The following KIRREL3 variants were observed in gnomAD, a reference collection of about 807,000 sequenced individuals.
KIRREL3 encodes kin of IRRE-like protein 3.
KIRREL3 carries 36 observed loss-of-function variants against 89.7 expected under a neutral mutation model. The ratio of observed to expected loss-of-function variants is 0.40; its 90% CI spans 0.31 to 0.53. The LOEUF is 0.53. KIRREL3 is among the 20% of genes least tolerant of loss of function. KIRREL3 has a pLI of 0.49. For missense variants in KIRREL3, 864 were observed against 1,056.6 expected, an observed-to-expected ratio of 0.82 and a Z score of 2.53; for synonymous variants, 445 against 441.4, an observed-to-expected ratio of 1.01 and a Z score of -0.10.
At chr11:126,866,089 C>A (rs980500206) in intron 1 of KIRREL3, among the ~76,000 whole-genome samples, 2 of 152,126 alleles carry the variant, frequency 1.3e-5, no homozygotes, top group Non-Finnish European at 2.9e-5. Flanking sequence ...GTCTTTGGAG[C>A]ACAGAAGGAG....
At chr11:126,803,373 T>C (rs1037876925) in intron 1 of KIRREL3, among the ~76,000 whole-genome samples, 1 of 152,066 alleles carries the variant, frequency 6.6e-6, no homozygotes, top group African/African-American at 2.4e-5. Flanking sequence ...CAGCAAGGTA[T>C]GAGAGGTGCA....
At chr11:126,781,967 A>C (rs75104234) in intron 1 of KIRREL3, among the ~76,000 whole-genome samples, 4,381 of 152,282 alleles carry the variant, frequency 0.029, 209 homozygotes, top group African/African-American at 0.1. Flanking sequence ...TTTTAAAACA[A>C]GACCTTTTGT....
rs1350856290 is a variant in KIRREL3 at position 126,537,641 on chromosome 11, A to T, written c.134-10954T>A. ...CAGGGTCAGTCAGCCCTAGGAAGGA[A>T]CTCTGGCCCTGTACCTAGCAGTGTG... is the stretch of plus-strand genomic sequence containing the variant. On this transcript the variant is annotated intron_variant, in intron 2 of 16. Transcript: ENST00000525144. The surrounding 1 kb of genome is among the most constrained non-coding windows in gnomAD (Gnocchi z 4.3). Among the ~76,000 whole-genome samples the T allele has an allele frequency of 1.3e-5, 2 of 152,120 alleles. No individual in the cohort carries two copies. The highest frequency in any genetic ancestry group is 2.9e-5 in the Non-Finnish European group (2 of 68,020).
Position 126,521,144 on chromosome 11 carries a change from C to T in KIRREL3, c.433+171G>A, listed in dbSNP as rs1010926216. On this transcript the variant is annotated intron_variant, in intron 4 of 16. Coordinates refer to ENST00000525144, the MANE Select transcript of KIRREL3 (RefSeq NM_032531.4). This position sits in a 1 kb window ranked among gnomAD's most constrained non-coding sequence, Gnocchi z 4.1. ...CTAGGGAAAGAGCCTTCGCTTGTCC[C>T]GTTTGGGTGGGAAGGTGGGCATGGA... Among the ~76,000 whole-genome samples the T allele has an allele frequency of 1.3e-5, 2 of 151,978 alleles. No individual in the cohort carries two copies. Among genetic ancestry groups the T allele is most frequent in the South Asian group, 2.1e-4 (1 of 4,818 alleles).
Position 126,553,097 on chromosome 11 carries a change from C to A in KIRREL3, c.133+9738G>T, listed in dbSNP as rs1346497277. 2.6e-5 allele frequency among the ~76,000 whole-genome samples: 4 copies of A among 152,130 alleles called. No individual in the cohort carries two copies. Among genetic ancestry groups the A allele is most frequent in the African/African-American group, 7.2e-5 (3 of 41,432 alleles). On this transcript the variant is annotated intron_variant, in intron 2 of 16. Coordinates refer to ENST00000525144, the MANE Select transcript of KIRREL3 (RefSeq NM_032531.4). This position sits in a 1 kb window ranked among gnomAD's most constrained non-coding sequence, Gnocchi z 4.7. Reference sequence around the variant, plus strand: ...AAGCCAGCCCTTCATGCTTTTATGTCCCCATTTTAGACAACCAATATTTCA... The same window carrying A: ...AAGCCAGCCCTTCATGCTTTTATGTACCCATTTTAGACAACCAATATTTCA...
intron 1 of KIRREL3, among the ~76,000 whole-genome samples, chr11:126,577,607 A>AAG (rs1941323782): frequency 6.6e-6 from 1 of 151,176 alleles, no homozygotes; most frequent in African/African-American, 2.4e-5. Context: ...AAAAAAAAAA[A>AAG]AAAGATTAGC....
Position 126,741,123 on chromosome 11 carries a change from C to T in KIRREL3, c.56-178211G>A, listed in dbSNP as rs146326326. Among the ~76,000 whole-genome samples, 15 of 152,292 alleles carry T rather than the reference C, an allele frequency of 9.8e-5. No individual in the cohort carries two copies. The East Asian group carries it at 2.9e-3, about 29-fold the overall frequency. On this transcript the variant is annotated intron_variant, in intron 1 of 16. Transcript: ENST00000525144. ...AGGCAATTCAGGTCAAAGACAGACT[C>T]TCCTTTCCTATGCAGAGGGCTCTTG...
chr11:126,518,581 G>A (rs1471865423), intron 4 of KIRREL3, among the ~76,000 whole-genome samples: 2 of 152,246 alleles, frequency 1.3e-5, no homozygotes, highest in Non-Finnish European at 2.9e-5. Flanking sequence ...GGAACACAGG[G>A]AAGGCAGCCC....
Position 126,559,822 on chromosome 11 carries a change from A to T in KIRREL3, c.133+3013T>A, listed in dbSNP as rs191328576. On this transcript the variant is annotated intron_variant, in intron 2 of 16. Transcript: ENST00000525144. ...GTAGCTGGGGCTACAGGTGCGCACC[A>T]CCAACCCTGGCTGATTATTATTATT... 8.6e-5 allele frequency among the ~76,000 whole-genome samples: 13 copies of T among 151,968 alleles called. No homozygotes were observed. The East Asian group carries it at 1.2e-3, about 14-fold the overall frequency.
rs1291341651 is a variant in KIRREL3, at chr11:126,528,920, C to A, written c.134-2233G>T. Reference sequence around the variant, plus strand: ...TTTTACTCTAATGATGATTTCACAGCTCATCCTTTTATCTCAAAATCTTTC... The same window carrying A: ...TTTTACTCTAATGATGATTTCACAGATCATCCTTTTATCTCAAAATCTTTC... On this transcript the variant is annotated intron_variant, in intron 2 of 16. Transcript: ENST00000525144. The surrounding 1 kb of genome is among the most constrained non-coding windows in gnomAD (Gnocchi z 4.6). Among the ~76,000 whole-genome samples, 1 of 152,092 alleles carries A rather than the reference C, an allele frequency of 6.6e-6. No individual in the cohort carries two copies.
chr11:126,839,665 A>G (rs978513370), intron 1 of KIRREL3, among the ~76,000 whole-genome samples: 7 of 152,170 alleles, frequency 4.6e-5, no homozygotes, highest in African/African-American at 1.7e-4. Flanking sequence ...AATCGAGGCC[A>G]TTGTGTGAAG....
In KIRREL3 at chr11:126,807,459, T is replaced by A. The variant is rs1565314501; in HGVS notation, c.55+192996A>T. Among the ~76,000 whole-genome samples the A allele has an allele frequency of 1.3e-5, 2 of 152,240 alleles. No individual in the cohort carries two copies. The highest frequency in any genetic ancestry group is 2.1e-4 in the South Asian group (1 of 4,836). On this transcript the variant is annotated intron_variant, in intron 1 of 16. Transcript: ENST00000525144. The surrounding 1 kb of genome is among the most constrained non-coding windows in gnomAD (Gnocchi z 4.3). ...CATTAGCTATGTGTTTAACCATTCA[T>A]GTCTAACTATTCAAATTTAAAAATC... is the stretch of plus-strand genomic sequence containing the variant.
intron 1 of KIRREL3, among the ~76,000 whole-genome samples, chr11:126,998,150 T>C (rs1195376101): frequency 6.6e-6 from 1 of 152,206 alleles, no homozygotes; most frequent in Non-Finnish European, 1.5e-5. Flanking sequence ...TGGGGCACAG[T>C]ACATGAGCTA....
rs1374544064 is a variant in KIRREL3 at position 126,724,254 on chromosome 11, T to C, written c.56-161342A>G. Among the ~76,000 whole-genome samples the C allele has an allele frequency of 6.6e-6, 1 of 152,234 alleles. No individual in the cohort carries two copies. The highest frequency in any genetic ancestry group is 1.5e-5 in the Non-Finnish European group (1 of 68,032). On this transcript the variant is annotated intron_variant, in intron 1 of 16. Transcript: ENST00000525144. This position sits in a 1 kb window ranked among gnomAD's most constrained non-coding sequence, Gnocchi z 4.3. ...ATCACTTTCTGTGTAAGATTTCTGA[T>C]TCCTGTCTCCTGCAGGTTGGTTCAT... is the stretch of plus-strand genomic sequence containing the variant.
In KIRREL3 at chr11:126,837,067, A is replaced by G. The variant is rs763825572; in HGVS notation, c.55+163388T>C. Among the ~76,000 whole-genome samples the G allele has an allele frequency of 5.3e-5, 8 of 152,180 alleles. No individual in the cohort carries two copies. Among genetic ancestry groups the G allele is most frequent in the Non-Finnish European group, 1.0e-4 (7 of 68,030 alleles). ...CGGGGGGTTGAATGAATGAACTAAC[A>G]AACAGCTTCAGAGTAGCGTGGTTTA... On this transcript the variant is annotated intron_variant, in intron 1 of 16. Coordinates refer to ENST00000525144, the MANE Select transcript of KIRREL3 (RefSeq NM_032531.4). This position sits in a 1 kb window ranked among gnomAD's most constrained non-coding sequence, Gnocchi z 4.7.
intron 1 of KIRREL3, among the ~76,000 whole-genome samples, chr11:126,873,679 G>A (rs369159407): frequency 2.0e-5 from 3 of 152,124 alleles, no homozygotes; most frequent in Admixed American, 6.5e-5. Context: ...ACACATGTCC[G>A]GAACACCTCA....
At chr11:126,616,654 G>A (rs1943365395) in intron 1 of KIRREL3, among the ~76,000 whole-genome samples, 1 of 152,182 alleles carries the variant, frequency 6.6e-6, no homozygotes, top group Non-Finnish European at 1.5e-5. Flanking sequence ...TGTTGTTGTT[G>A]GTTTAGAGAT....
In KIRREL3 at chr11:126,492,155, T is replaced by C. The variant is rs1309648164; in HGVS notation, c.434-18689A>G. Among the ~76,000 whole-genome samples, 1 of 152,168 alleles carries C rather than the reference T, an allele frequency of 6.6e-6. No homozygotes were observed. The highest frequency in any genetic ancestry group is 1.5e-5 in the Non-Finnish European group (1 of 68,034). ...AAGTTGCAGAGGGCCACCGAGGAAC[T>C]GGGAGGATGATCTATAGACAGTCTC... On this transcript the variant is annotated intron_variant, in intron 4 of 16. Transcript: ENST00000525144. This position sits in a 1 kb window ranked among gnomAD's most constrained non-coding sequence, Gnocchi z 4.8.
At chr11:126,809,142 TG>T (rs1951299908) in intron 1 of KIRREL3, among the ~76,000 whole-genome samples, 2 of 152,168 alleles carry the variant, frequency 1.3e-5, no homozygotes, top group African/African-American at 4.8e-5. Context: ...ATGGAGGCTT[TG>T]GCTTCAGCAA....
Sources: gnomAD v4.1 joint callset for allele counts (sites outside exome capture counted in the v4.1 genomes callset) on GRCh38, gnomAD v4.1.1 for gene constraint, Gnocchi (gnomAD v3.1) non-coding constraint, MANE v1.5 for transcripts, NCBI Gene and HGNC (gene_info 2026-07-23, HGNC 2026-07-21) for gene names.